SNTG1: variants seen among roughly 807,000 people sequenced by gnomAD.
SNTG1 encodes the protein gamma-1-syntrophin.
Under a neutral mutation model 74.7 loss-of-function variants are expected in SNTG1, and 39 were observed. The ratio of observed to expected loss-of-function variants is 0.52; its 90% confidence interval spans 0.40 to 0.68. The LOEUF is 0.68. SNTG1 is among the 30% of genes least tolerant of loss of function. The probability of loss-of-function intolerance (pLI) is 0.00; values close to 1 mark genes in which losing one functional copy is unlikely to be tolerated. For synonymous variants in SNTG1, 254 were observed against 217.1 expected (o/e 1.17, Z -1.49); for missense variants, 685 against 609.5 (o/e 1.12, Z -1.30).
At chr8:50,613,994 T>A (rs771413651) in intron 13 of SNTG1, among the ~76,000 whole-genome samples, 1 of 152,142 alleles carries the variant, frequency 6.6e-6, no homozygotes, top group East Asian at 1.9e-4. Flanking sequence ...TTTAGAATGA[T>A]GTCTATGAGA....
intron 1 of SNTG1, among the ~76,000 whole-genome samples, chr8:49,938,603 T>TTTTTTTTTTTTCTTTTCTTTCTTTC (rs1554524905): frequency 2.7e-5 from 2 of 74,754 alleles, no homozygotes; most frequent in Admixed American, 1.6e-4. Context: ...TTTTCTTTTC[T>TTTTTTTTTTTTCTTTTCTTTCTTTC]TTTCTTTCTT....
intron 2 of SNTG1, among the ~76,000 whole-genome samples, chr8:50,342,647 C>T (rs1301118875): frequency 6.6e-6 from 1 of 152,102 alleles, no homozygotes; most frequent in African/African-American, 2.4e-5. Context: ...TTCACATTCC[C>T]CCCAGCAAAA....
intron 15 of SNTG1, among the ~76,000 whole-genome samples, chr8:50,697,578 T>C (rs981813518): frequency 2.0e-5 from 3 of 152,182 alleles, no homozygotes; most frequent in Admixed American, 6.5e-5. Flanking sequence ...TATATGACCT[T>C]TATTATTTTG....
At chr8:50,614,215 A>G (rs977499070) in intron 13 of SNTG1, among the ~76,000 whole-genome samples, 2 of 152,286 alleles carry the variant, frequency 1.3e-5, no homozygotes, top group African/African-American at 4.8e-5. Context: ...TAGATGGGAT[A>G]TATATTTTTT....
chr8:50,792,714 A>G lies in SNTG1; in HGVS notation c.1439A>G (p.His480Arg). 6.2e-7 allele frequency: 1 copy of G among 1,612,210 alleles called. No homozygotes were observed. The highest frequency in any genetic ancestry group is 8.5e-7 in the Non-Finnish European group (1 of 1,178,758). ...TTATTTGCTGTTCTTCACTGCATTCATTCCTTCTTTGCTGCCAAGGTAGCT... is the reference window on the plus strand; with the variant it reads ...TTATTTGCTGTTCTTCACTGCATTCGTTCCTTCTTTGCTGCCAAGGTAGCT... ...SNLFAVLHCI[H>R]SFFAAKVACL... Residue 480 changes from histidine (H) to arginine (R), a missense_variant, in exon 19 of 19, where the codon CAT becomes CGT. Physicochemically the swap from His to Arg is conservative, Grantham distance 29. Coordinates refer to ENST00000642720, the MANE Select transcript of SNTG1 (RefSeq NM_018967.5).
intron 2 of SNTG1, among the ~76,000 whole-genome samples, chr8:50,232,563 A>G (rs1224329101): frequency 6.6e-6 from 1 of 151,438 alleles, no homozygotes; most frequent in Non-Finnish European, 1.5e-5. Flanking sequence ...AATTTTTGTG[A>G]ACATAGTCCT....
intron 1 of SNTG1, among the ~76,000 whole-genome samples, chr8:50,093,996 A>G (rs2079838615): frequency 1.3e-5 from 2 of 152,154 alleles, no homozygotes; most frequent in African/African-American, 2.4e-5. Context: ...CCATCTGTCT[A>G]TGTGTTTGGT....
chr8:50,502,744 A>G (rs1280314139), intron 8 of SNTG1, 34 bp from the exon 9 acceptor site: 9 of 1,535,172 alleles, frequency 5.9e-6, no homozygotes, highest in Non-Finnish European at 7.2e-6. Context: ...GATAAATGTA[A>G]TGATGATTGT....
At position 50,321,129 on chromosome 8, in the gene SNTG1, G is replaced by A. The variant is rs578208356; in HGVS notation, c.-27-73083G>A. Reference sequence around the variant, plus strand: ...ATAATCAGTCCAATGTTGAAAGTGAGGTGTTGAAGTATCCAGCTATTATTG... The same window carrying A: ...ATAATCAGTCCAATGTTGAAAGTGAAGTGTTGAAGTATCCAGCTATTATTG... On this transcript the variant is annotated intron_variant, in intron 2 of 18. Transcript: ENST00000642720. Among the ~76,000 whole-genome samples the A allele has an allele frequency of 3.3e-5, 5 of 152,106 alleles. No individual in the cohort carries two copies. The East Asian group carries it at 9.7e-4, about 29-fold the overall frequency.
At chr8:50,498,930 T>C (rs975669207) in intron 8 of SNTG1, among the ~76,000 whole-genome samples, 4 of 151,760 alleles carry the variant, frequency 2.6e-5, no homozygotes, top group African/African-American at 9.7e-5. Context: ...ATATATTATA[T>C]TAATTATATT....
At chr8:50,071,245 T>C (rs1181920989) in intron 1 of SNTG1, among the ~76,000 whole-genome samples, 1 of 152,086 alleles carries the variant, frequency 6.6e-6, no homozygotes, top group African/African-American at 2.4e-5. Context: ...GTCACCCAGG[T>C]CGGAGTTCAG....
chr8:50,249,792 C>A (rs2086565498), intron 2 of SNTG1, among the ~76,000 whole-genome samples: 1 of 152,052 alleles, frequency 6.6e-6, no homozygotes, highest in Non-Finnish European at 1.5e-5. Flanking sequence ...CATTCTCAAC[C>A]AACATCCTAG....
intron 2 of SNTG1, among the ~76,000 whole-genome samples, chr8:50,337,551 C>G (rs910125538): frequency 6.6e-6 from 1 of 152,192 alleles, no homozygotes; most frequent in African/African-American, 2.4e-5. Flanking sequence ...ACAAAGGTCT[C>G]CCCTCAAGAA....
intron 2 of SNTG1, among the ~76,000 whole-genome samples, chr8:50,374,152 C>G (rs1393833983): frequency 6.6e-6 from 1 of 152,220 alleles, no homozygotes; most frequent in Non-Finnish European, 1.5e-5. Flanking sequence ...TTTTCACTGT[C>G]TTTTAGGTGT....
At chr8:50,393,618 G>A (rs1297325876) in intron 2 of SNTG1, among the ~76,000 whole-genome samples, 1 of 151,904 alleles carries the variant, frequency 6.6e-6, no homozygotes, top group African/African-American at 2.4e-5. Context: ...CATCATTTAG[G>A]TATTATAGTG....
intron 2 of SNTG1, among the ~76,000 whole-genome samples, chr8:50,261,621 C>T (rs925571636): frequency 8.6e-5 from 13 of 151,958 alleles, no homozygotes; most frequent in African/African-American, 3.1e-4. Flanking sequence ...AAAGTAATGA[C>T]AGAAGAAATG....
At chr8:50,674,969 G>T (rs930096451) in intron 15 of SNTG1, among the ~76,000 whole-genome samples, 2 of 152,062 alleles carry the variant, frequency 1.3e-5, no homozygotes, top group Non-Finnish European at 1.5e-5. Context: ...ATGTAATTGT[G>T]TGTGTTTGAG....
chr8:50,003,901 TG>T (rs1160554233), intron 1 of SNTG1, among the ~76,000 whole-genome samples: 1 of 152,178 alleles, frequency 6.6e-6, no homozygotes, highest in African/African-American at 2.4e-5. Context: ...CAAAACAATC[TG>T]GGGGAAGTGA....
At chr8:49,980,496 A>G (rs1258751280) in intron 1 of SNTG1, among the ~76,000 whole-genome samples, 1 of 113,416 alleles carries the variant, frequency 8.8e-6, no homozygotes, top group Non-Finnish European at 1.6e-5. Context: ...CTTTCTCCTC[A>G]CATCCCTTCC....
Sources: gnomAD v4.1 joint callset for allele counts (sites outside exome capture counted in the v4.1 genomes callset) on GRCh38, gnomAD v4.1.1 for gene constraint, MANE v1.5 for transcripts, NCBI Gene and HGNC (gene_info 2026-07-23, HGNC 2026-07-21) for gene names.